PLP1: variants seen among roughly 807,000 people sequenced by gnomAD.
PLP1 encodes the protein myelin proteolipid protein.
PLP1 carries 2 observed loss-of-function variants against 18.5 expected under a neutral mutation model. The observed-to-expected ratio is 0.11, with a 90% CI of 0.04 to 0.34. The LOEUF (loss-of-function observed/expected upper bound fraction) is 0.34, where lower values mean the gene tolerates loss of function less well. Among genes scored for constraint, PLP1 ranks in the 10% least tolerant of loss-of-function variants. The probability of loss-of-function intolerance (pLI) is 1.00; values close to 1 mark genes in which losing one functional copy is unlikely to be tolerated. For synonymous variants in PLP1, 86 were observed against 83.2 expected, an observed-to-expected ratio of 1.03 and a Z score of -0.19; for missense variants, 105 against 207.3, an observed-to-expected ratio of 0.51 and a Z score of 3.03.
At chrX:103,790,498 A>G in intron 6 of PLP1, 29 bp from the exon 7 acceptor site, 1 of 1,115,742 alleles carries the variant, frequency 9.0e-7, no homozygotes, top group African/African-American at 1.8e-5. Context: ...TTCTACTCTC[A>G]TTCACATTCT....
Position 103,790,571 on chromosome X carries a change from A to G in PLP1, c.807A>G (p.Lys269=), listed in dbSNP as rs1402930447. ...CCACTTACAACTTTGCCGTCCTTAA[A>G]CTCATGGGCCGAGGCACCAAGTTCT... ...IAATYNFAVL[K]LMGRGTKF is the part of the protein sequence containing the mutation. The change falls in exon 7 of 7, where the codon AAA becomes AAG. Residue 269 remains lysine, a synonymous_variant. Coordinates refer to ENST00000621218, the MANE Select transcript of PLP1 (RefSeq NM_000533.5). 8.3e-7 allele frequency: 1 copy of G among 1,208,222 alleles called. No individual in the cohort carries two copies. Among genetic ancestry groups the G allele is most frequent in the Admixed American group, 2.2e-5 (1 of 45,989 alleles).
intron 5 of PLP1, 39 bp from the exon 6 acceptor site, chrX:103,789,294 G>A: frequency 2.0e-6 from 2 of 1,019,580 alleles, no homozygotes; most frequent in Non-Finnish European, 2.8e-6. Context: ...TATTACTGCT[G>A]TTGCAAGAAA....
intron 1 of PLP1, among the ~76,000 whole-genome samples, 189 bp from the exon 2 acceptor site, chrX:103,785,393 G>A (rs2074486291): frequency 8.9e-6 from 1 of 112,423 alleles, no homozygotes; most frequent in Non-Finnish European, 1.9e-5. Flanking sequence ...TTATTTTCAA[G>A]AATGAAACAA....
In PLP1 at chrX:103,786,446, T is replaced by C. The variant is rs1186006578; in HGVS notation, c.192-19T>C. 1 of 1,203,637 alleles carries C rather than the reference T, an allele frequency of 8.3e-7. No homozygotes were observed. The highest frequency in any genetic ancestry group is 3.0e-5 in the East Asian group (1 of 33,727). ...ATTAATAAGATTCCCTGGTCTCGTTTGTCTACCTGTTAATGCAGGATCCAT... is the reference window on the plus strand; with the variant it reads ...ATTAATAAGATTCCCTGGTCTCGTTCGTCTACCTGTTAATGCAGGATCCAT... On this transcript the variant is annotated intron_variant, in intron 2 of 6. Coordinates refer to ENST00000621218, the MANE Select transcript of PLP1 (RefSeq NM_000533.5).
chrX:103,782,920 G>T (rs776371433), intron 1 of PLP1, among the ~76,000 whole-genome samples: 26 of 112,219 alleles, frequency 2.3e-4, no homozygotes, highest in Non-Finnish European at 4.7e-4. Flanking sequence ...CCTGTGCTGG[G>T]GAGAAAGGGA....
At chrX:103,779,815 C>G (rs2147755792) in intron 1 of PLP1, 1 of 112,471 alleles carries the variant, frequency 8.9e-6, no homozygotes, top group South Asian at 3.7e-4. Flanking sequence ...AGTAACATCA[C>G]TTTCCCCCAT....
intron 1 of PLP1, among the ~76,000 whole-genome samples, chrX:103,783,312 C>T (rs973106490): frequency 8.9e-6 from 1 of 112,717 alleles, no homozygotes; most frequent in Non-Finnish European, 1.9e-5. Context: ...AAAGTTCATG[C>T]TGAGTAAACT....
chrX:103,790,301 C>A (rs930290983), intron 6 of PLP1, among the ~76,000 whole-genome samples: 2 of 112,811 alleles, frequency 1.8e-5, no homozygotes, highest in African/African-American at 6.4e-5. Context: ...TGATTTGATT[C>A]TCTGGGCCTG....
At chrX:103,787,705 G>GT (rs2074508884) in intron 3 of PLP1, 93 bp from the exon 4 acceptor site, 16 of 767,439 alleles carry the variant, frequency 2.1e-5, no homozygotes, top group Non-Finnish European at 3.0e-5. Flanking sequence ...TGGTTTTAAT[G>GT]TCTGGCACAC....
rs780293374 is a variant in PLP1 at position 103,786,618 on chromosome X, A to G, written c.345A>G (p.Ala115=). The G allele has an allele frequency of 4.1e-6, 5 of 1,211,793 alleles. No individual in the cohort carries two copies. In the Admixed American group the frequency reaches 1.1e-4, roughly 26 times the overall value. The part of the protein sequence containing the change: ...KTTICGKGLS[A]TVTGGQKGRG... The stretch of plus-strand genomic sequence containing the variant: ...CCATCTGCGGCAAGGGCCTGAGCGC[A>G]ACGGTAACAGGGGGCCAGAAGGGGA... Residue 115 remains alanine, a synonymous_variant, in exon 3 of 7, where the codon GCA becomes GCG. Coordinates refer to ENST00000621218, the MANE Select transcript of PLP1 (RefSeq NM_000533.5).
chrX:103,783,871 T>G (rs970196944), intron 1 of PLP1, among the ~76,000 whole-genome samples: 2 of 111,935 alleles, frequency 1.8e-5, no homozygotes, highest in Non-Finnish European at 3.8e-5. Flanking sequence ...TCCCAGTACA[T>G]TTGCTGAGTA....
At chrX:103,785,402 A>T (rs2074486392) in intron 1 of PLP1, among the ~76,000 whole-genome samples, 180 bp from the exon 2 acceptor site, 1 of 112,480 alleles carries the variant, frequency 8.9e-6, no homozygotes, top group Admixed American at 9.4e-5. Context: ...AGAATGAAAC[A>T]AAGTAAGGAT....
rs2074515714 is a variant in PLP1 at position 103,788,289 on chromosome X, C to T, written c.623-148C>T. ...AATACCACCTTCTCTTTTTTGTAAACCTGTAGAAAAGAGGATCCTGATTGT... is the reference window on the plus strand; with the variant it reads ...AATACCACCTTCTCTTTTTTGTAAATCTGTAGAAAAGAGGATCCTGATTGT... On this transcript the variant is annotated intron_variant, in intron 4 of 6. Coordinates refer to ENST00000621218, the MANE Select transcript of PLP1 (RefSeq NM_000533.5). 1.6e-5 allele frequency: 9 copies of T among 558,907 alleles called. No individual in the cohort carries two copies. In the Admixed American group the frequency reaches 2.2e-4, roughly 14 times the overall value. 46.1% of individuals were successfully genotyped at this position (558,907 alleles called of 1,213,427 possible). A position where few individuals can be genotyped will look rare whatever the true frequency, so the allele number is the denominator to read the frequency against.
chrX:103,776,886 TA>T lies in PLP1; in HGVS notation c.-106del. 1 of 757,789 alleles carries T rather than the reference TA, an allele frequency of 1.3e-6. No homozygotes were observed. The highest frequency in any genetic ancestry group is 2.0e-6 in the Non-Finnish European group (1 of 495,045). 62.5% of individuals were successfully genotyped at this position (757,789 alleles called of 1,213,427 possible). ...GACAAAGATACTCAGAGAGAAAAAG[TA>T]AAAGACCGAAGAAGGAGGCTGGAGA... On this transcript the variant is annotated 5_prime_UTR_variant, in exon 1 of 7. Transcript: ENST00000621218.
At chrX:103,781,486 C>T (rs1238924160) in intron 1 of PLP1, among the ~76,000 whole-genome samples, 1 of 112,328 alleles carries the variant, frequency 8.9e-6, no homozygotes, top group Non-Finnish European at 1.9e-5. Flanking sequence ...GCCCACACAA[C>T]TTCGTTATAT....
upstream of PLP1, chrX:103,776,558 G>A (rs1388037976): frequency 1.4e-5 from 2 of 146,005 alleles, no homozygotes; most frequent in Non-Finnish European, 2.7e-5. Flanking sequence ...TTAGACCCAA[G>A]GATCAGTTGG....
intron 1 of PLP1, among the ~76,000 whole-genome samples, chrX:103,777,629 G>C (rs1382921486): frequency 5.4e-5 from 6 of 112,090 alleles, no homozygotes; most frequent in African/African-American, 1.9e-4. Context: ...ATCATTTCTA[G>C]CAAATATCAC....
In PLP1 at chrX:103,791,283, C is replaced by T. The variant is rs775484528; in HGVS notation, c.*685C>T. ...TAAGGGAGCGTAGAATCTGTGTAGA[C>T]GAAGGGGGCATCTGGCCTTACACCT... On this transcript the variant is annotated 3_prime_UTR_variant, in exon 7 of 7. Coordinates refer to ENST00000621218, the MANE Select transcript of PLP1 (RefSeq NM_000533.5). 5 of 98,672 alleles carry T rather than the reference C, an allele frequency of 5.1e-5. No individual in the cohort carries two copies. The highest frequency in any genetic ancestry group is 4.4e-4 in the South Asian group (1 of 2,256). The allele number at this position is 98,672 out of a possible 1,213,427, so 8.1% of individuals were successfully genotyped here.
At chrX:103,787,697 G>A in intron 3 of PLP1, 101 bp from the exon 4 acceptor site, 1 of 718,531 alleles carries the variant, frequency 1.4e-6, no homozygotes, top group Non-Finnish European at 2.2e-6. Context: ...CTGGAACCTG[G>A]TTTTAATGTC....
Sources: gnomAD v4.1 joint callset for allele counts (sites outside exome capture counted in the v4.1 genomes callset) on GRCh38, gnomAD v4.1.1 for gene constraint, MANE v1.5 for transcripts, NCBI Gene and HGNC (gene_info 2026-07-23, HGNC 2026-07-21) for gene names.